Variants in PLCB1 observed in about 807,000 individuals in gnomAD.
PLCB1 encodes phospholipase C beta 1, also known as 1-phosphatidylinositol 4,5-bisphosphate phosphodiesterase beta-1.
A neutral mutation model predicts 161.8 loss-of-function variants in PLCB1; 46 were observed. That is an observed-to-expected ratio of 0.28 (90% CI 0.22 to 0.36). The LOEUF (loss-of-function observed/expected upper bound fraction) is 0.36, where lower values mean the gene tolerates loss of function less well. Ranked by LOEUF, PLCB1 falls within the 10% of genes least tolerant of loss-of-function variation. The pLI, the probability that PLCB1 is intolerant of heterozygous loss-of-function variation, is 1.00. For synonymous variants in PLCB1, 517 were observed against 503.7 expected, an observed-to-expected ratio of 1.03 and a Z score of -0.35; for missense variants, 1,016 against 1,472.5, an observed-to-expected ratio of 0.69 and a Z score of 5.07.
At chr20:8,690,288 T>C (rs759810009) in intron 10 of PLCB1, among the ~76,000 whole-genome samples, 2 of 151,890 alleles carry the variant, frequency 1.3e-5, no homozygotes, top group Non-Finnish European at 2.9e-5. Flanking sequence ...GAACAGCAGG[T>C]GTTACAACAG....
In PLCB1 at chr20:8,258,463, G is replaced by A. The variant is rs555594562; in HGVS notation, c.177+108092G>A. Among the ~76,000 whole-genome samples, 4 of 152,196 alleles carry A rather than the reference G, an allele frequency of 2.6e-5. No individual in the cohort carries two copies. In the South Asian group the frequency reaches 8.3e-4, roughly 32 times the overall value. The stretch of plus-strand genomic sequence containing the variant: ...GTGGGTTTACATTTGCTCTGGAAGT[G>A]GTGAGCTTAGATGATAGAAAAACGT... On this transcript the variant is annotated intron_variant, in intron 2 of 31. Coordinates refer to ENST00000338037, the MANE Select transcript of PLCB1 (RefSeq NM_015192.4).
intron 3 of PLCB1, among the ~76,000 whole-genome samples, chr20:8,406,370 TGC>T (rs1978788196): frequency 6.6e-6 from 1 of 152,220 alleles, no homozygotes; most frequent in Non-Finnish European, 1.5e-5. Flanking sequence ...TGGAAGAACA[TGC>T]AGGTAATGTT....
intron 2 of PLCB1, among the ~76,000 whole-genome samples, chr20:8,262,816 G>T (rs918807928): frequency 1.3e-5 from 2 of 152,160 alleles, no homozygotes; most frequent in Non-Finnish European, 2.9e-5. Flanking sequence ...CCTTCTTGCT[G>T]TGTGTTCAAC....
intron 3 of PLCB1, among the ~76,000 whole-genome samples, chr20:8,427,431 G>A (rs1310600619): frequency 6.6e-6 from 1 of 152,166 alleles, no homozygotes; most frequent in East Asian, 1.9e-4. Context: ...GACATCAGCT[G>A]GAACTTGAAT....
chr20:8,693,007 G>T (rs747555606), intron 10 of PLCB1, among the ~76,000 whole-genome samples: 1 of 152,110 alleles, frequency 6.6e-6, no homozygotes, highest in East Asian at 1.9e-4. Context: ...AGAAGACCCT[G>T]AAGCATATCA....
At chr20:8,422,704 T>C (rs1979589249) in intron 3 of PLCB1, among the ~76,000 whole-genome samples, 1 of 152,180 alleles carries the variant, frequency 6.6e-6, no homozygotes, top group South Asian at 2.1e-4. Flanking sequence ...ACCTGGTATA[T>C]GGAGATATTT....
chr20:8,233,984 G>A (rs1980198671), intron 2 of PLCB1, among the ~76,000 whole-genome samples: 1 of 152,174 alleles, frequency 6.6e-6, no homozygotes, highest in African/African-American at 2.4e-5. Flanking sequence ...GTTATGGGCA[G>A]TTGGATAGTT....
chr20:8,311,325 C>A (rs1427638016), intron 2 of PLCB1, among the ~76,000 whole-genome samples: 2 of 152,172 alleles, frequency 1.3e-5, no homozygotes, highest in Non-Finnish European at 2.9e-5. Flanking sequence ...GTTCAATTGG[C>A]AGAATTTAGA....
chr20:8,432,732 A>G (rs528725334), intron 3 of PLCB1, among the ~76,000 whole-genome samples: 1 of 152,356 alleles, frequency 6.6e-6, no homozygotes, highest in South Asian at 2.1e-4. Flanking sequence ...TGGCATTTGA[A>G]GTTGCCAACA....
intron 9 of PLCB1, among the ~76,000 whole-genome samples, chr20:8,673,696 A>G (rs887433736): frequency 3.9e-5 from 6 of 152,228 alleles, no homozygotes; most frequent in Admixed American, 6.5e-5. Context: ...ATGATACAAT[A>G]TCGTTTGAGA....
chr20:8,375,939 G>GA (rs1987061129), intron 3 of PLCB1, among the ~76,000 whole-genome samples: 1 of 70,640 alleles, frequency 1.4e-5, no homozygotes, highest in Non-Finnish European at 2.7e-5. Context: ...CAAACCAAGT[G>GA]AACCAAAAAA....
chr20:8,135,320 C>G (rs929288309), intron 1 of PLCB1, among the ~76,000 whole-genome samples: 10 of 152,158 alleles, frequency 6.6e-5, no homozygotes, highest in African/African-American at 2.4e-4. Context: ...AAGAAATTAT[C>G]TCTTGTTCCT....
intron 3 of PLCB1, among the ~76,000 whole-genome samples, chr20:8,554,068 T>C (rs559315773): frequency 8.7e-5 from 13 of 149,096 alleles, no homozygotes; most frequent in Admixed American, 3.3e-4. Context: ...TTCACTAAAA[T>C]TGCTAAAATT....
At chr20:8,425,037 C>T (rs1338257326) in intron 3 of PLCB1, among the ~76,000 whole-genome samples, 1 of 151,964 alleles carries the variant, frequency 6.6e-6, no homozygotes, top group East Asian at 1.9e-4. Flanking sequence ...AGAAAACAGC[C>T]AACCAGAGGC....
At chr20:8,856,428 C>A (rs961589772) in intron 31 of PLCB1, among the ~76,000 whole-genome samples, 1 of 151,964 alleles carries the variant, frequency 6.6e-6, no homozygotes, top group Non-Finnish European at 1.5e-5. Flanking sequence ...CCAGCCTGGC[C>A]AACATGATAA....
At chr20:8,810,930 C>T (rs1984786373) in intron 31 of PLCB1, among the ~76,000 whole-genome samples, 2 of 152,224 alleles carry the variant, frequency 1.3e-5, no homozygotes, top group East Asian at 1.9e-4. Context: ...CGCACTACTG[C>T]ACTCTGGCCT....
intron 31 of PLCB1, among the ~76,000 whole-genome samples, chr20:8,817,029 T>C (rs980266394): frequency 6.6e-6 from 1 of 152,204 alleles, no homozygotes; most frequent in Non-Finnish European, 1.5e-5. Context: ...CCCTTCAAAC[T>C]TGATTGGTTC....
At position 8,217,767 on chromosome 20, in the gene PLCB1, T is replaced by C. The variant is rs143504769; in HGVS notation, c.177+67396T>C. 7.5e-3 allele frequency among the ~76,000 whole-genome samples: 1,137 copies of C among 152,276 alleles called. 11 individuals carry two copies. The highest frequency in any genetic ancestry group is 0.024 in the African/African-American group (1,015 of 41,554). On this transcript the variant is annotated intron_variant, in intron 2 of 31. Coordinates refer to ENST00000338037, the MANE Select transcript of PLCB1 (RefSeq NM_015192.4). ...TTAGGTCATGCATGCTCTGCCCTTA[T>C]GAATGAATCAATGTCATTATTGCAG...
chr20:8,579,150 G>T (rs1421122326), intron 3 of PLCB1, among the ~76,000 whole-genome samples: 1 of 152,110 alleles, frequency 6.6e-6, no homozygotes. Context: ...CTTTATAATT[G>T]CCTTCTACTC....
Sources: gnomAD v4.1 joint callset for allele counts (sites outside exome capture counted in the v4.1 genomes callset) on GRCh38, gnomAD v4.1.1 for gene constraint, MANE v1.5 for transcripts, NCBI Gene and HGNC (gene_info 2026-07-23, HGNC 2026-07-21) for gene names.